NLRP13: variants seen among roughly 807,000 people sequenced by gnomAD.
The protein encoded by NLRP13 is NLR family pyrin domain containing 13.
A neutral mutation model predicts 94.4 loss-of-function variants in NLRP13; 82 were observed. That is an observed-to-expected ratio of 0.87 (90% CI 0.73 to 1.04). The LOEUF is 1.04. Ranked by LOEUF, NLRP13 falls within the 50% of genes least tolerant of loss-of-function variation. The pLI is 0.00. For missense variants in NLRP13, 1,426 were observed against 1,230.8 expected, an observed-to-expected ratio of 1.16 and a Z score of -2.37; for synonymous variants, 553 against 464.7, an observed-to-expected ratio of 1.19 and a Z score of -2.45.
intron 9 of NLRP13, among the ~76,000 whole-genome samples, chr19:55,899,456 C>A (rs923188764): frequency 1.5e-4 from 23 of 151,696 alleles, no homozygotes; most frequent in African/African-American, 5.6e-4. Flanking sequence ...GAGAAAGAGT[C>A]ATCCAAAATC....
chr19:55,901,000 T>C (rs954469943), intron 9 of NLRP13, among the ~76,000 whole-genome samples: 5 of 152,148 alleles, frequency 3.3e-5, no homozygotes, highest in African/African-American at 9.7e-5. Context: ...TCTTGGTACA[T>C]GCTAGACCGC....
chr19:55,912,175 AG>A lies in NLRP13; in HGVS notation c.1641del (p.Phe548LeufsTer3). The A allele has an allele frequency of 6.8e-6, 11 of 1,614,198 alleles. No individual in the cohort carries two copies. The highest frequency in any genetic ancestry group is 9.3e-6 in the Non-Finnish European group (11 of 1,180,030). ...LSFQEFFAAM[S>X]FVLEEPREFP... ...AATTCTCTAGGTTCCTCTAGCACAAAGGACATGGCTGCAAAAAACTCCTGGA... is the reference window on the plus strand; with the variant it reads ...AATTCTCTAGGTTCCTCTAGCACAAAGACATGGCTGCAAAAAACTCCTGGA... On this transcript the variant is annotated frameshift_variant, in exon 5 of 11. Transcript: ENST00000342929. LOFTEE classifies it high-confidence loss of function.
downstream of NLRP13, among the ~76,000 whole-genome samples, chr19:55,893,450 C>T (rs1175338697): frequency 1.3e-5 from 2 of 152,108 alleles, no homozygotes; most frequent in Non-Finnish European, 2.9e-5. Flanking sequence ...TAATAGCAAA[C>T]ACAATTACTT....
In NLRP13 at chr19:55,913,174, G is replaced by T. The variant is rs1299290892; in HGVS notation, c.643C>A (p.Leu215Met). Reference protein sequence around the residue: ...RNTSKDEHEELQRLLDPNRTR... With the variant: ...RNTSKDEHEEMQRLLDPNRTR... ...CTATTAGGATCCAGTAGGCGCTGCA[G>T]TTCCTCATGTTCGTCCTTTGATGTA... The change falls in exon 5 of 11, where the codon CTG becomes ATG. Residue 215 changes from leucine to methionine, a missense_variant. Coordinates refer to ENST00000342929, the MANE Select transcript of NLRP13 (RefSeq NM_176810.2). The T allele has an allele frequency of 1.2e-6, 2 of 1,614,136 alleles. No homozygotes were observed. The highest frequency in any genetic ancestry group is 2.2e-5 in the South Asian group (2 of 91,082).
At chr19:55,894,034 A>G (rs1173964805), downstream of NLRP13, among the ~76,000 whole-genome samples, 18 of 138,700 alleles carry the variant, frequency 1.3e-4, no homozygotes, top group South Asian at 2.3e-4. Flanking sequence ...ACCTTTCTCC[A>G]TGCCCCAACT....
chr19:55,928,747 A>C (rs925618018), intron 1 of NLRP13, among the ~76,000 whole-genome samples: 3 of 152,190 alleles, frequency 2.0e-5, no homozygotes, highest in Non-Finnish European at 4.4e-5. Flanking sequence ...TTCATGACTA[A>C]AACACCAAAA....
intron 3 of NLRP13, 119 bp from the exon 4 acceptor site, chr19:55,924,098 G>C: frequency 1.3e-6 from 1 of 761,970 alleles, no homozygotes; most frequent in Non-Finnish European, 2.3e-6. Context: ...GAAGAGACTG[G>C]AGAAATCAGC....
rs150042249 is a variant in NLRP13 at position 55,905,202 on chromosome 19, A to C, written c.2448-90T>G. 1.0e-5 allele frequency: 14 copies of C among 1,340,964 alleles called. No individual in the cohort carries two copies. In the Admixed American group the frequency reaches 2.9e-4, roughly 28 times the overall value. 83.1% of individuals were successfully genotyped at this position (1,340,964 alleles called of 1,614,324 possible). Reference sequence around the variant, plus strand: ...CTCAACCCCTTAACCCCCGAGACCCAAACATTATGGGAAGATTAAATTGGA... The same window carrying C: ...CTCAACCCCTTAACCCCCGAGACCCCAACATTATGGGAAGATTAAATTGGA... On this transcript the variant is annotated intron_variant, in intron 7 of 10. Transcript: ENST00000342929.
chr19:55,910,603 G>A lies in NLRP13; in HGVS notation c.2242C>T (p.Leu748Phe), dbSNP rs1986480499. The change falls in exon 6 of 11, where the codon CTT (leucine) becomes TTT (phenylalanine). Residue 748 changes from leucine to phenylalanine, a missense_variant. Leu to Phe is a conservative substitution (Grantham distance 22, BLOSUM62 0). Transcript: ENST00000342929. ...LHASSVKGLC[L>F]ALKNPRCKVQ... ...TTGCATCTTGGATTTTTCAGTGCAA[G>A]ACAGAGACCCTTCACAGAGGAAGCA... 6.2e-7 allele frequency: 1 copy of A among 1,613,140 alleles called. No homozygotes were observed. Among genetic ancestry groups the A allele is most frequent in the Non-Finnish European group, 8.5e-7 (1 of 1,179,272 alleles).
downstream of NLRP13, among the ~76,000 whole-genome samples, chr19:55,893,610 C>CA (rs905944587): frequency 5.9e-5 from 9 of 152,114 alleles, 1 homozygote; most frequent in Admixed American, 1.3e-4. Context: ...AAGGCACAAC[C>CA]ACAAAGGTAG....
intron 2 of NLRP13, 86 bp downstream of exon 2, chr19:55,924,881 T>C: frequency 8.4e-7 from 1 of 1,188,964 alleles, no homozygotes; most frequent in Non-Finnish European, 1.2e-6. Flanking sequence ...ATTCAAGAAA[T>C]TTCAGAGTAG....
Position 55,932,018 on chromosome 19 carries a change from A to C in NLRP13, c.294T>G (p.Cys98Trp). 1 of 1,613,682 alleles carries C rather than the reference A, an allele frequency of 6.2e-7. No homozygotes were observed. Among genetic ancestry groups the C allele is most frequent in the African/African-American group, 1.3e-5 (1 of 74,998 alleles). The change falls in exon 1 of 11, where the codon TGT (cysteine) becomes TGG (tryptophan). Residue 98 changes from cysteine to tryptophan, a missense_variant. Coordinates refer to ENST00000342929, the MANE Select transcript of NLRP13 (RefSeq NM_176810.2). ...IFQTMNLTSL[C>W]EKVRAEMKEN... Reference sequence around the variant, plus strand: ...CTTTCATCTCGGCTCTAACTTTCTCACACAGTGAGGTCAGATTCATTGTCT... The same window carrying C: ...CTTTCATCTCGGCTCTAACTTTCTCCCACAGTGAGGTCAGATTCATTGTCT...
chr19:55,921,794 G>A (rs1986834874), intron 4 of NLRP13, among the ~76,000 whole-genome samples: 1 of 152,150 alleles, frequency 6.6e-6, no homozygotes, highest in Admixed American at 6.5e-5. Flanking sequence ...AGGCCACAGA[G>A]TTGGAGATGA....
chr19:55,911,906 T>C lies in NLRP13; in HGVS notation c.1911A>G (p.Arg637=). The change falls in exon 5 of 11, where the codon CGA becomes CGG. Residue 637 remains arginine, a synonymous_variant. Transcript: ENST00000342929. ...ESASLQFHIL[R]LFHCLHESQE... Reference sequence around the variant, plus strand: ...GGGACTCGTGTAGGCAGTGAAAAAGTCGTAGAATGTGAAATTGGAGAGAGG... The same window carrying C: ...GGGACTCGTGTAGGCAGTGAAAAAGCCGTAGAATGTGAAATTGGAGAGAGG... 6.2e-7 allele frequency: 1 copy of C among 1,614,186 alleles called. No individual in the cohort carries two copies. Among genetic ancestry groups the C allele is most frequent in the South Asian group, 1.1e-5 (1 of 91,082 alleles).
chr19:55,912,642 C>G lies in NLRP13; in HGVS notation c.1175G>C (p.Arg392Pro), dbSNP rs142141691. The change falls in exon 5 of 11, where the codon CGG (arginine) becomes CCG (proline). Residue 392 changes from arginine (R) to proline (P), a missense_variant. By Grantham distance (103) the Arg-to-Pro change is moderately radical (BLOSUM62 -2). Coordinates refer to ENST00000342929, the MANE Select transcript of NLRP13 (RefSeq NM_176810.2). ...QITGFTGDDL[R>P]VYFMRHFDDS... ...ATCAAAGTGTCTCATGAAATATACC[C>G]GTAGGTCGTCCCCTGTGAACCCTGT... is the stretch of plus-strand genomic sequence containing the variant. 1 of 1,614,154 alleles carries G rather than the reference C, an allele frequency of 6.2e-7. No individual in the cohort carries two copies. The highest frequency in any genetic ancestry group is 8.5e-7 in the Non-Finnish European group (1 of 1,180,040).
chr19:55,921,661 G>C (rs1366594817), intron 4 of NLRP13, among the ~76,000 whole-genome samples: 1 of 152,154 alleles, frequency 6.6e-6, no homozygotes, highest in Non-Finnish European at 1.5e-5. Flanking sequence ...TAAGGATCTG[G>C]AGAAGAGGAA....
At chr19:55,924,031 GC>G in intron 3 of NLRP13, 52 bp from the exon 4 acceptor site, 1 of 1,424,626 alleles carries the variant, frequency 7.0e-7, no homozygotes, top group Non-Finnish European at 9.9e-7. Context: ...CTGAAAATGG[GC>G]CACAATGATA....
intron 4 of NLRP13, among the ~76,000 whole-genome samples, chr19:55,923,666 A>T (rs1262194030): frequency 5.9e-5 from 9 of 152,142 alleles, no homozygotes; most frequent in Non-Finnish European, 1.5e-5. Flanking sequence ...CCAGTCCCCT[A>T]GCCTGCTCTT....
intron 4 of NLRP13, among the ~76,000 whole-genome samples, chr19:55,920,137 A>T (rs962969393): frequency 6.6e-6 from 1 of 152,146 alleles, no homozygotes; most frequent in Admixed American, 6.5e-5. Context: ...ATGTAGAAGA[A>T]TAAAACTGGA....
Sources: allele counts gnomAD v4.1 joint callset (sites outside exome capture counted in the v4.1 genomes callset), GRCh38; gene constraint gnomAD v4.1.1; transcripts MANE v1.5; gene names NCBI Gene and HGNC (gene_info 2026-07-23, HGNC 2026-07-21).